Variants in FOXP2 observed in about 807,000 individuals in gnomAD.
The protein encoded by FOXP2 is forkhead box protein P2.
Under a neutral mutation model 115.8 loss-of-function variants are expected in FOXP2, and 12 were observed. The ratio of observed to expected loss-of-function variants is 0.10; its 90% confidence interval spans 0.07 to 0.17. The LOEUF (loss-of-function observed/expected upper bound fraction) is 0.17. Ranked by LOEUF, FOXP2 falls within the 10% of genes least tolerant of loss-of-function variation. FOXP2 has a pLI of 1.00. For synonymous variants in FOXP2, 328 were observed against 297.7 expected (o/e 1.10, Z -1.05); for missense variants, 629 against 843.5 (o/e 0.75, Z 3.15).
At chr7:114,306,675 C>G (rs1797020598) in intron 2 of FOXP2, among the ~76,000 whole-genome samples, 1 of 152,212 alleles carries the variant, frequency 6.6e-6, no homozygotes, top group South Asian at 2.1e-4. Context: ...AACTTATTAT[C>G]TCATAGTTCT....
intron 3 of FOXP2, among the ~76,000 whole-genome samples, chr7:114,553,363 A>G (rs1300130198): frequency 1.3e-5 from 2 of 152,204 alleles, no homozygotes; most frequent in Non-Finnish European, 1.5e-5. Flanking sequence ...TTCACATACT[A>G]TCTGAGCTCT....
At chr7:114,164,820 A>G (rs543859913) in intron 1 of FOXP2, among the ~76,000 whole-genome samples, 1 of 152,182 alleles carries the variant, frequency 6.6e-6, no homozygotes, top group South Asian at 2.1e-4. Context: ...TTTGAGGTTG[A>G]TGAAGAATTG....
At chr7:114,328,233 C>CTTTTTTTTT (rs1193894946) in intron 2 of FOXP2, among the ~76,000 whole-genome samples, 6 of 129,600 alleles carry the variant, frequency 4.6e-5, no homozygotes, top group African/African-American at 8.8e-5. Context: ...CTTTTCTTTT[C>CTTTTTTTTT]TTTTTTTTTT....
At chr7:114,161,853 G>A (rs1480177982), upstream of FOXP2, among the ~76,000 whole-genome samples, 1 of 151,956 alleles carries the variant, frequency 6.6e-6, no homozygotes, top group African/African-American at 2.4e-5. Flanking sequence ...CTCAATCTTG[G>A]CTCACTACAG....
At chr7:114,097,788 C>T (rs1382947669) in intron 1 of FOXP2, among the ~76,000 whole-genome samples, 1 of 152,158 alleles carries the variant, frequency 6.6e-6, no homozygotes, top group African/African-American at 2.4e-5. Context: ...ATATAAGACC[C>T]AGTCAGATTG....
intron 16 of FOXP2, among the ~76,000 whole-genome samples, chr7:114,677,299 A>G (rs1807831818): frequency 6.6e-6 from 1 of 152,236 alleles, no homozygotes; most frequent in African/African-American, 2.4e-5. Context: ...GTCTCTCATA[A>G]GTGATGACAG....
At chr7:114,480,652 T>A (rs1796488914) in intron 2 of FOXP2, among the ~76,000 whole-genome samples, 1 of 150,672 alleles carries the variant, frequency 6.6e-6, no homozygotes, top group South Asian at 2.1e-4. Flanking sequence ...TGCATATGTG[T>A]GTATACGTAT....
At chr7:114,219,840 G>A (rs1451110461) in intron 1 of FOXP2, among the ~76,000 whole-genome samples, 7 of 151,582 alleles carry the variant, frequency 4.6e-5, no homozygotes, top group Non-Finnish European at 8.8e-5. Flanking sequence ...ATAATTCTGT[G>A]AGGGTTTTTT....
chr7:114,147,037 C>T lies in FOXP2; in HGVS notation c.-246-15907C>T, dbSNP rs1261918307. 2.0e-5 allele frequency among the ~76,000 whole-genome samples: 3 copies of T among 152,244 alleles called. No homozygotes were observed. In the East Asian group the frequency reaches 5.8e-4, roughly 29 times the overall value. ...AAAAGTCAGTGTCCCTACTTGAATACTCAGAAATTACATGAAATATTCCTT... is the reference window on the plus strand; with the variant it reads ...AAAAGTCAGTGTCCCTACTTGAATATTCAGAAATTACATGAAATATTCCTT... On this transcript the variant is annotated intron_variant, in intron 1 of 19. Coordinates refer to the FOXP2 transcript ENST00000635638.
chr7:114,536,275 T>G (rs1562983526), intron 3 of FOXP2, among the ~76,000 whole-genome samples: 1 of 151,588 alleles, frequency 6.6e-6, no homozygotes, highest in Non-Finnish European at 1.5e-5. Flanking sequence ...TCATATTTCT[T>G]GACAAAATAG....
intron 6 of FOXP2, among the ~76,000 whole-genome samples, chr7:114,634,153 G>A (rs930638045): frequency 1.3e-5 from 2 of 151,906 alleles, no homozygotes; most frequent in African/African-American, 2.4e-5. Context: ...CCACCACCAC[G>A]CCTGGCTAAT....
chr7:114,414,698 C>G (rs1793257178), upstream of FOXP2: 1 of 169,804 alleles, frequency 5.9e-6, no homozygotes, highest in Admixed American at 5.8e-5. Context: ...CTTGGGTTTG[C>G]TTATTTTTGT....
At chr7:114,451,699 T>G (rs1795080175) in intron 2 of FOXP2, among the ~76,000 whole-genome samples, 1 of 152,038 alleles carries the variant, frequency 6.6e-6, no homozygotes, top group Non-Finnish European at 1.5e-5. Flanking sequence ...TGGCTTATGG[T>G]AGCTGCTTAA....
At chr7:114,385,541 A>T (rs6466486) in intron 2 of FOXP2, among the ~76,000 whole-genome samples, 1 of 151,998 alleles carries the variant, frequency 6.6e-6, no homozygotes, top group Non-Finnish European at 1.5e-5. Context: ...TTGAAAGTGG[A>T]AGCTGGCTCC....
At chr7:114,250,153 C>G (rs564719468) in intron 1 of FOXP2, among the ~76,000 whole-genome samples, 4 of 152,166 alleles carry the variant, frequency 2.6e-5, no homozygotes, top group African/African-American at 9.6e-5. Context: ...GCATAGTATT[C>G]CATGGTGTAT....
At chr7:114,543,373 A>G (rs1799774067) in intron 3 of FOXP2, among the ~76,000 whole-genome samples, 1 of 152,140 alleles carries the variant, frequency 6.6e-6, no homozygotes, top group South Asian at 2.1e-4. Context: ...GAATCCTCAA[A>G]TTAAAAAAAA....
At chr7:114,525,823 G>A (rs528913784) in intron 2 of FOXP2, among the ~76,000 whole-genome samples, 2 of 152,000 alleles carry the variant, frequency 1.3e-5, no homozygotes, top group East Asian at 1.9e-4. Context: ...TAAAACTTAC[G>A]ATTTTTGGCC....
chr7:114,366,830 C>G (rs1382966796), intron 2 of FOXP2, among the ~76,000 whole-genome samples: 1 of 152,050 alleles, frequency 6.6e-6, no homozygotes, highest in Non-Finnish European at 1.5e-5. Flanking sequence ...ATTATTACCT[C>G]TCATCACTAT....
At chr7:114,326,952 C>T (rs922219917) in intron 2 of FOXP2, among the ~76,000 whole-genome samples, 1 of 152,128 alleles carries the variant, frequency 6.6e-6, no homozygotes, top group Admixed American at 6.5e-5. Context: ...TATTTTCTTT[C>T]TCAAGGGCTT....
Sources: allele counts gnomAD v4.1 joint callset (sites outside exome capture counted in the v4.1 genomes callset), GRCh38; gene constraint gnomAD v4.1.1; transcripts MANE v1.5; gene names NCBI Gene and HGNC (gene_info 2026-07-23, HGNC 2026-07-21).